VAC14: variants seen among roughly 807,000 people sequenced by gnomAD.
VAC14 encodes the protein VAC14 component of PIKFYVE complex, also known as protein VAC14 homolog.
In VAC14, 47 loss-of-function variants were observed where a neutral mutation model predicts 85.3. That is an observed-to-expected ratio of 0.55 (90% confidence interval 0.44 to 0.70). The LOEUF (loss-of-function observed/expected upper bound fraction) is 0.70, where lower values mean the gene tolerates loss of function less well. VAC14 is among the 30% of genes least tolerant of loss of function. VAC14 has a pLI of 0.00. For synonymous variants in VAC14, 447 were observed against 430.5 expected, an observed-to-expected ratio of 1.04 and a Z score of -0.47; for missense variants, 861 against 1,004.3, an observed-to-expected ratio of 0.86 and a Z score of 1.93.
intron 15 of VAC14, among the ~76,000 whole-genome samples, chr16:70,698,003 C>T (rs1462222459): frequency 2.6e-5 from 4 of 152,134 alleles, no homozygotes; most frequent in Non-Finnish European, 5.9e-5. Context: ...AGCCGGGACA[C>T]GAGAGGCCTG....
chr16:70,771,502 T>C (rs554723163), intron 10 of VAC14: 3 of 152,182 alleles, frequency 2.0e-5, no homozygotes, highest in Non-Finnish European at 4.4e-5. Flanking sequence ...GTACTTTTAT[T>C]ATTATAACTT....
intron 10 of VAC14, among the ~76,000 whole-genome samples, chr16:70,767,091 C>T (rs934350408): frequency 2.6e-5 from 4 of 152,192 alleles, no homozygotes; most frequent in Non-Finnish European, 5.9e-5. Context: ...AAGGTGTCTG[C>T]AAAATTCCAT....
intron 18 of VAC14, chr16:70,690,471 T>G (rs779834919): frequency 5.1e-6 from 5 of 985,588 alleles, no homozygotes; most frequent in African/African-American, 1.7e-5. Context: ...ATCCCACCCA[T>G]GCACCTGTTG....
At chr16:70,795,117 A>G (rs1382472519) in intron 1 of VAC14, among the ~76,000 whole-genome samples, 1 of 152,148 alleles carries the variant, frequency 6.6e-6, no homozygotes, top group Non-Finnish European at 1.5e-5. Context: ...GGTTTGTGTG[A>G]GTAACTCTAT....
chr16:70,785,001 G>C (rs1001565887), intron 3 of VAC14, among the ~76,000 whole-genome samples, 163 bp from the exon 4 acceptor site: 2 of 152,266 alleles, frequency 1.3e-5, no homozygotes, highest in East Asian at 1.9e-4. Flanking sequence ...GGCTGGGAAA[G>C]TGGGAGTGGG....
At chr16:70,785,669 C>T (rs1174892400) in intron 3 of VAC14, 33 bp downstream of exon 3, 1 of 1,530,480 alleles carries the variant, frequency 6.5e-7, no homozygotes, top group African/African-American at 1.4e-5. Flanking sequence ...GAACCAAGCG[C>T]AGCTCAGTGA....
intron 13 of VAC14, among the ~76,000 whole-genome samples, chr16:70,733,414 A>ATT (rs879405848): frequency 1.4e-5 from 2 of 145,064 alleles, no homozygotes; most frequent in East Asian, 2.0e-4. Flanking sequence ...CATTCTGTTG[A>ATT]TTTTTTTTTT....
At chr16:70,735,468 C>A (rs930350237) in intron 13 of VAC14, among the ~76,000 whole-genome samples, 1 of 152,186 alleles carries the variant, frequency 6.6e-6, no homozygotes, top group Admixed American at 6.5e-5. Flanking sequence ...GTATTTGATG[C>A]CAGCGGGCAG....
chr16:70,698,402 C>T (rs887993002), intron 15 of VAC14, among the ~76,000 whole-genome samples: 3 of 152,164 alleles, frequency 2.0e-5, no homozygotes, highest in African/African-American at 4.8e-5. Context: ...AGGGTGGACA[C>T]GTGGACCCTC....
chr16:70,706,519 T>G (rs74869823), intron 14 of VAC14, among the ~76,000 whole-genome samples: 6,478 of 152,298 alleles, frequency 0.043, 395 homozygotes, highest in African/African-American at 0.13. Flanking sequence ...CCCTTGTTTA[T>G]TTTCTTTTTT....
chr16:70,766,715 T>A (rs764751778), intron 10 of VAC14, among the ~76,000 whole-genome samples: 2 of 152,082 alleles, frequency 1.3e-5, no homozygotes, highest in African/African-American at 4.8e-5. Context: ...GTGGAGGTCA[T>A]GGGAAGCAGG....
chr16:70,705,498 G>A (rs1294284077), intron 14 of VAC14, among the ~76,000 whole-genome samples: 1 of 152,250 alleles, frequency 6.6e-6, no homozygotes, highest in East Asian at 1.9e-4. Context: ...GGAGACTGAA[G>A]CAACCATCCC....
chr16:70,777,465 G>A (rs1193778394), intron 9 of VAC14, among the ~76,000 whole-genome samples: 1 of 152,180 alleles, frequency 6.6e-6, no homozygotes, highest in Non-Finnish European at 1.5e-5. Context: ...TCATAGGCAG[G>A]TTGTTCAGAC....
intron 14 of VAC14, among the ~76,000 whole-genome samples, chr16:70,721,986 T>C (rs1245453133): frequency 1.3e-5 from 2 of 152,178 alleles, no homozygotes; most frequent in Non-Finnish European, 2.9e-5. Flanking sequence ...TTTGGATGGC[T>C]ATGCAGTACC....
At chr16:70,788,081 T>C (rs991797423) in intron 1 of VAC14, among the ~76,000 whole-genome samples, 3 of 152,238 alleles carry the variant, frequency 2.0e-5, no homozygotes, top group Admixed American at 6.5e-5. Flanking sequence ...GTTCCACAAA[T>C]GGGGTCTCAA....
chr16:70,745,466 T>C (rs2030776238), intron 12 of VAC14, among the ~76,000 whole-genome samples: 1 of 150,406 alleles, frequency 6.6e-6, no homozygotes, highest in Admixed American at 6.6e-5. Context: ...GGACCTGCCC[T>C]GTTGGGAGGG....
chr16:70,711,208 C>T (rs559934960), intron 14 of VAC14, among the ~76,000 whole-genome samples: 3 of 152,350 alleles, frequency 2.0e-5, no homozygotes, highest in Middle Eastern at 3.4e-3. Context: ...AGGAGGTCCA[C>T]GATCTGTACT....
At chr16:70,754,878 C>A (rs1473182024) in intron 12 of VAC14, among the ~76,000 whole-genome samples, 2 of 152,124 alleles carry the variant, frequency 1.3e-5, no homozygotes, top group African/African-American at 4.8e-5. Context: ...AGGCAAGAAT[C>A]TGAGGAGGAA....
intron 18 of VAC14, among the ~76,000 whole-genome samples, 175 bp downstream of exon 18, chr16:70,692,646 C>G (rs1360443447): frequency 6.6e-6 from 1 of 151,968 alleles, no homozygotes; most frequent in Non-Finnish European, 1.5e-5. Flanking sequence ...GATGTGGACA[C>G]AAGAGGCCAA....
Sources: allele counts gnomAD v4.1 joint callset (sites outside exome capture counted in the v4.1 genomes callset), GRCh38; gene constraint gnomAD v4.1.1; transcripts MANE v1.5; gene names NCBI Gene and HGNC (gene_info 2026-07-23, HGNC 2026-07-21).